The following NEMP2 variants were observed in gnomAD, a reference collection of about 807,000 sequenced individuals.
NEMP2 encodes the protein nuclear envelope integral membrane protein 2.
NEMP2 carries 53 observed loss-of-function variants against 54.2 expected under a neutral mutation model. The observed-to-expected ratio is 0.98, with a 90% CI of 0.78 to 1.23. The LOEUF (loss-of-function observed/expected upper bound fraction) is 1.23, where lower values mean the gene tolerates loss of function less well. NEMP2 is among the 50% of genes most tolerant of loss of function. The probability of loss-of-function intolerance (pLI) is 0.00; values close to 1 mark genes in which losing one functional copy is unlikely to be tolerated. For missense variants in NEMP2, 455 were observed against 511.3 expected (o/e 0.89, Z 1.06); for synonymous variants, 197 against 190.3 (o/e 1.04, Z -0.29).
At chr2:190,501,897 T>C (rs148360239), downstream of NEMP2, 21 of 152,702 alleles carry the variant, frequency 1.4e-4, no homozygotes, top group African/African-American at 5.1e-4. Flanking sequence ...AATAAAGAAA[T>C]GGGTGACAGG....
the NEMP2 span, among the ~76,000 whole-genome samples, chr2:190,468,506 G>T: frequency 1.3e-5 from 2 of 150,344 alleles, no homozygotes; most frequent in Admixed American, 6.6e-5. Flanking sequence ...AGGCTGGAGT[G>T]CAGTGGTGGG....
At chr2:190,597,178 C>T in the NEMP2 span, among the ~76,000 whole-genome samples, 1 of 151,040 alleles carries the variant, frequency 6.6e-6, no homozygotes, top group Non-Finnish European at 1.5e-5. This position sits in a 1 kb window ranked among gnomAD's most constrained non-coding sequence, Gnocchi z 4.7. Flanking sequence ...GTAAGAGGAT[C>T]GCTTGGGCCC....
At chr2:190,608,597 T>C in the NEMP2 span, 2 of 152,166 alleles carry the variant, frequency 1.3e-5, no homozygotes, top group Non-Finnish European at 2.9e-5. This position sits in a 1 kb window ranked among gnomAD's most constrained non-coding sequence, Gnocchi z 4.9. Flanking sequence ...AAGACAAGCA[T>C]TGATCCCTAC....
the NEMP2 span, among the ~76,000 whole-genome samples, chr2:190,556,116 A>C: frequency 6.6e-6 from 1 of 152,362 alleles, no homozygotes; most frequent in East Asian, 1.9e-4. Context: ...GCACATCAAG[A>C]AGCTTATGCA....
chr2:190,480,375 G>C, the NEMP2 span, among the ~76,000 whole-genome samples: 3 of 136,034 alleles, frequency 2.2e-5, no homozygotes, highest in Non-Finnish European at 4.7e-5. Flanking sequence ...CCTGTATCAT[G>C]TACTATAGTT....
At chr2:190,541,387 C>T in the NEMP2 span, among the ~76,000 whole-genome samples, 1,220 of 152,154 alleles carry the variant, frequency 8.0e-3, 6 homozygotes, top group African/African-American at 0.027. This position sits in a 1 kb window ranked among gnomAD's most constrained non-coding sequence, Gnocchi z 5.2. Context: ...TTTCCTCTTA[C>T]TACTGTTATT....
At chr2:190,552,176 CAAGTCTGTCA>C in the NEMP2 span, among the ~76,000 whole-genome samples, 1 of 152,186 alleles carries the variant, frequency 6.6e-6, no homozygotes, top group African/African-American at 2.4e-5. Context: ...CCCTCATTCT[CAAGTCTGTCA>C]AAGTCTGTCA....
chr2:190,640,751 T>C, the NEMP2 span, among the ~76,000 whole-genome samples: 1 of 151,042 alleles, frequency 6.6e-6, no homozygotes, highest in Admixed American at 6.7e-5. Context: ...TAATTTGTTG[T>C]GACAATTCGC....
the NEMP2 span, chr2:190,464,980 C>A: frequency 1.2e-6 from 1 of 835,956 alleles, no homozygotes; most frequent in Non-Finnish European, 1.4e-6. Flanking sequence ...TCACAACTAA[C>A]TACACTGTTA....
At chr2:190,644,072 AACC>A in the NEMP2 span, among the ~76,000 whole-genome samples, 1 of 152,228 alleles carries the variant, frequency 6.6e-6, no homozygotes, top group Non-Finnish European at 1.5e-5. The surrounding 1 kb of genome is among the most constrained non-coding windows in gnomAD (Gnocchi z 4.4). Context: ...AATGGAAGAT[AACC>A]ATAAAAACAA....
At chr2:190,631,335 C>T in the NEMP2 span, among the ~76,000 whole-genome samples, 2 of 152,250 alleles carry the variant, frequency 1.3e-5, no homozygotes, top group Non-Finnish European at 2.9e-5. Flanking sequence ...TTGCTACAAT[C>T]GTGTTGCATT....
the NEMP2 span, among the ~76,000 whole-genome samples, chr2:190,457,396 C>T: frequency 6.6e-6 from 1 of 152,200 alleles, no homozygotes; most frequent in African/African-American, 2.4e-5. The surrounding 1 kb of genome is among the most constrained non-coding windows in gnomAD (Gnocchi z 5.1). Context: ...GCAGACCCCA[C>T]TTCTTCCTGT....
rs1386990604 is a variant in NEMP2, at chr2:190,519,474, G to A, written c.214-291C>T. ...GGGCTCAAGCTGTTTGCCTGCTTCA[G>A]CCTCCCAAAGTGCTGGGATTACCGG... On this transcript the variant is annotated intron_variant, in intron 2 of 8. Coordinates refer to ENST00000409150, the MANE Select transcript of NEMP2 (RefSeq NM_001142645.2). The surrounding 1 kb of genome is among the most constrained non-coding windows in gnomAD (Gnocchi z 5.4). Among the ~76,000 whole-genome samples, 1 of 152,206 alleles carries A rather than the reference G, an allele frequency of 6.6e-6. No homozygotes were observed. Among genetic ancestry groups the A allele is most frequent in the Non-Finnish European group, 1.5e-5 (1 of 68,038 alleles).
At chr2:190,436,269 T>C in the NEMP2 span, 3 of 1,613,896 alleles carry the variant, frequency 1.9e-6, no homozygotes, top group African/African-American at 2.7e-5. This position sits in a 1 kb window ranked among gnomAD's most constrained non-coding sequence, Gnocchi z 5.3. Flanking sequence ...TCTTTTACTC[T>C]GCCTATGGCT....
the NEMP2 span, among the ~76,000 whole-genome samples, chr2:190,577,200 TTTA>T: frequency 3.3e-5 from 5 of 152,174 alleles, no homozygotes; most frequent in African/African-American, 1.2e-4. This position sits in a 1 kb window ranked among gnomAD's most constrained non-coding sequence, Gnocchi z 4.8. Context: ...GAATGCAAAA[TTTA>T]TATGTTAGGA....
the NEMP2 span, among the ~76,000 whole-genome samples, chr2:190,486,315 AAT>A: frequency 2.0e-5 from 3 of 152,240 alleles, no homozygotes; most frequent in Non-Finnish European, 4.4e-5. Flanking sequence ...CCTCACTCTG[AAT>A]AGTGTCTGCA....
downstream of NEMP2, chr2:190,500,955 C>G (rs1045725381): frequency 6.6e-6 from 1 of 152,032 alleles, no homozygotes; most frequent in Admixed American, 6.6e-5. The surrounding 1 kb of genome is among the most constrained non-coding windows in gnomAD (Gnocchi z 5.3). Flanking sequence ...AAAACAGAAA[C>G]AAGCGATTAT....
At chr2:190,436,039 GAT>G in the NEMP2 span, 1 of 1,609,438 alleles carries the variant, frequency 6.2e-7, no homozygotes, top group Non-Finnish European at 8.5e-7. The surrounding 1 kb of genome is among the most constrained non-coding windows in gnomAD (Gnocchi z 5.3). Flanking sequence ...CATGGCAGAT[GAT>G]AAAGTTGCTA....
In NEMP2 at chr2:190,513,155, G is replaced by A. The variant is rs1320688173; in HGVS notation, c.953+1298C>T. ...AAGACAGATGGGCCACATCCCACCA[G>A]CCAATGAGTATTTATGGTCTCTGGT... is the stretch of plus-strand genomic sequence containing the variant. On this transcript the variant is annotated intron_variant, in intron 7 of 8. Transcript: ENST00000409150. The surrounding 1 kb of genome is among the most constrained non-coding windows in gnomAD (Gnocchi z 5.3). Among the ~76,000 whole-genome samples, 3 of 152,138 alleles carry A rather than the reference G, an allele frequency of 2.0e-5. No individual in the cohort carries two copies. The highest frequency in any genetic ancestry group is 4.4e-5 in the Non-Finnish European group (3 of 68,012).
Sources: gnomAD v4.1 joint callset for allele counts (sites outside exome capture counted in the v4.1 genomes callset) on GRCh38, gnomAD v4.1.1 for gene constraint, Gnocchi (gnomAD v3.1) non-coding constraint, MANE v1.5 for transcripts, NCBI Gene and HGNC (gene_info 2026-07-23, HGNC 2026-07-21) for gene names.